The following ADGRL2 variants were observed in gnomAD, a reference collection of about 807,000 sequenced individuals.
ADGRL2 encodes calcium-independent alpha-latrotoxin receptor 2.
In ADGRL2, 44 loss-of-function variants were observed where a neutral mutation model predicts 157.4. The ratio of observed to expected loss-of-function variants is 0.28; its 90% confidence interval spans 0.22 to 0.36. The LOEUF is 0.36. Among genes scored for constraint, ADGRL2 ranks in the 10% least tolerant of loss-of-function variants. The pLI is 1.00. For missense variants in ADGRL2, 1,510 were observed against 1,768.9 expected, an observed-to-expected ratio of 0.85 and a Z score of 2.63; for synonymous variants, 585 against 624.7, an observed-to-expected ratio of 0.94 and a Z score of 0.95.
chr1:81,443,181 G>C (rs180947384), intron 1 of ADGRL2, among the ~76,000 whole-genome samples: 1 of 152,282 alleles, frequency 6.6e-6, no homozygotes, highest in East Asian at 1.9e-4. Flanking sequence ...AGCACTTTGG[G>C]AGGCCAATGT....
chr1:81,661,339 C>T (rs2148880505), intron 3 of ADGRL2, among the ~76,000 whole-genome samples: 1 of 152,278 alleles, frequency 6.6e-6, no homozygotes, highest in South Asian at 2.1e-4. Flanking sequence ...TGATTCAAAC[C>T]TTAAGCATCT....
chr1:81,586,656 C>T (rs934463688), intron 3 of ADGRL2, among the ~76,000 whole-genome samples: 15 of 152,108 alleles, frequency 9.9e-5, no homozygotes, highest in African/African-American at 2.4e-4. Context: ...GCATCACTTT[C>T]GGCTTGTATG....
chr1:81,486,997 T>G (rs951368747), intron 2 of ADGRL2, among the ~76,000 whole-genome samples: 1 of 148,866 alleles, frequency 6.7e-6, no homozygotes, highest in Non-Finnish European at 1.5e-5. Flanking sequence ...GGCTCACACC[T>G]ATAATCCCAG....
At chr1:81,424,061 C>T (rs1361201508) in intron 1 of ADGRL2, among the ~76,000 whole-genome samples, 4 of 152,172 alleles carry the variant, frequency 2.6e-5, no homozygotes, top group Non-Finnish European at 4.4e-5. Context: ...CATAAGGACA[C>T]TTCAATTTCT....
At chr1:81,452,800 T>A (rs1571006239) in intron 2 of ADGRL2, among the ~76,000 whole-genome samples, 2 of 152,112 alleles carry the variant, frequency 1.3e-5, no homozygotes, top group Non-Finnish European at 2.9e-5. Context: ...CAGATGAAGA[T>A]ATGAAACCTA....
intron 2 of ADGRL2, among the ~76,000 whole-genome samples, chr1:81,550,172 T>C (rs556968652): frequency 6.6e-6 from 1 of 152,292 alleles, no homozygotes; most frequent in East Asian, 1.9e-4. Context: ...GTCAATGCCT[T>C]ATATTGCAAG....
chr1:81,616,391 A>G (rs2081647105), intron 3 of ADGRL2, among the ~76,000 whole-genome samples: 1 of 152,166 alleles, frequency 6.6e-6, no homozygotes, highest in East Asian at 1.9e-4. Context: ...CATATTTGGA[A>G]TTGTGCAAAA....
At chr1:81,444,433 C>G (rs1274843644) in intron 1 of ADGRL2, among the ~76,000 whole-genome samples, 1 of 152,182 alleles carries the variant, frequency 6.6e-6, no homozygotes, top group Admixed American at 6.5e-5. Flanking sequence ...TTGATATTAA[C>G]TCTATAAACT....
chr1:81,906,630 G>A (rs1444499338), intron 2 of ADGRL2, among the ~76,000 whole-genome samples: 2 of 151,830 alleles, frequency 1.3e-5, no homozygotes, highest in Non-Finnish European at 2.9e-5. Flanking sequence ...GCCAGTGGGT[G>A]TAGCAGAGCC....
intron 2 of ADGRL2, among the ~76,000 whole-genome samples, chr1:81,896,640 G>C (rs1426215706): frequency 6.6e-6 from 1 of 151,956 alleles, no homozygotes; most frequent in Non-Finnish European, 1.5e-5. Flanking sequence ...TTATGTTCTT[G>C]AGTATGTTTA....
At chr1:81,351,577 G>T (rs1662893124) in intron 1 of ADGRL2, among the ~76,000 whole-genome samples, 1 of 148,192 alleles carries the variant, frequency 6.7e-6, no homozygotes, top group South Asian at 2.1e-4. Context: ...AATGCACAAA[G>T]AAAAAAATGA....
chr1:81,943,378 T>G lies in ADGRL2; in HGVS notation c.819T>G (p.Asp273Glu). Residue 273 changes from aspartate to glutamate, a missense_variant, in exon 6 of 24, where the codon GAT (aspartate) becomes GAG (glutamate). By Grantham distance (45) the Asp-to-Glu change is conservative. Around this residue, in one of 4 missense-constraint regions of ADGRL2, gnomAD observed 361 missense variants for 498.4 expected, o/e 0.72. Transcript: ENST00000686636. This position sits in a 1 kb window ranked among gnomAD's most constrained non-coding sequence, Gnocchi z 5.6. ...GGKTDIDLAV[D>E]ENGLWVIYAT... ...AGACTGATATCGACCTAGCAGTTGA[T>G]GAAAATGGTTTATGGGTCATTTACG... The G allele has an allele frequency of 6.2e-7, 1 of 1,613,790 alleles. No homozygotes were observed. The highest frequency in any genetic ancestry group is 8.5e-7 in the Non-Finnish European group (1 of 1,179,784).
intron 2 of ADGRL2, among the ~76,000 whole-genome samples, chr1:81,783,967 T>C (rs1263335043): frequency 6.6e-6 from 1 of 152,200 alleles, no homozygotes; most frequent in Non-Finnish European, 1.5e-5. Flanking sequence ...GTAATGATCA[T>C]TCCCATTTTA....
chr1:81,951,915 G>GA (rs202009316), intron 8 of ADGRL2, 42 bp from the exon 9 acceptor site: 513 of 1,496,280 alleles, frequency 3.4e-4, no homozygotes, highest in South Asian at 7.1e-4. Flanking sequence ...GCTGTAAACA[G>GA]AAAAAAAAAT....
chr1:81,545,189 G>A (rs185785868), intron 2 of ADGRL2, among the ~76,000 whole-genome samples: 169 of 152,140 alleles, frequency 1.1e-3, no homozygotes, highest in African/African-American at 3.7e-3. Context: ...TAAGGGGATC[G>A]AGGTTCAAAA....
upstream of ADGRL2, among the ~76,000 whole-genome samples, chr1:81,795,840 CCATT>C (rs1172483728): frequency 5.9e-5 from 9 of 152,130 alleles, no homozygotes; most frequent in Non-Finnish European, 8.8e-5. Context: ...CAAGAACTGC[CCATT>C]CAAAGAGTTG....
rs190164695 is a variant in ADGRL2 at position 81,354,703 on chromosome 1, T to C, written c.-302+48194T>C. The stretch of plus-strand genomic sequence containing the variant: ...TTCATAGAATGTATTCTATCTTGTC[T>C]TGTATAATTAATTCCCTTTTTGGAT... On this transcript the variant is annotated intron_variant, in intron 1 of 24. Transcript: ENST00000370721. Among the ~76,000 whole-genome samples, 25 of 152,308 alleles carry C rather than the reference T, an allele frequency of 1.6e-4. 1 individual carries two copies. In the East Asian group the frequency reaches 1.9e-3, roughly 12 times the overall value.
chr1:81,631,956 G>A (rs1348450372), intron 3 of ADGRL2, among the ~76,000 whole-genome samples: 1 of 152,084 alleles, frequency 6.6e-6, no homozygotes, highest in Non-Finnish European at 1.5e-5. Context: ...TTGGCTCTGA[G>A]ATTTCCTATC....
At chr1:81,815,648 T>C (rs925690092) in intron 1 of ADGRL2, among the ~76,000 whole-genome samples, 9 of 151,770 alleles carry the variant, frequency 5.9e-5, no homozygotes, top group Non-Finnish European at 1.2e-4. Flanking sequence ...TTTGTACAAA[T>C]AGGGTGACAT....
Sources: gnomAD v4.1 joint callset for allele counts (sites outside exome capture counted in the v4.1 genomes callset) on GRCh38, gnomAD v4.1.1 for gene constraint, gnomAD v4.1.1 regional missense constraint, Gnocchi (gnomAD v3.1) non-coding constraint, MANE v1.5 for transcripts, NCBI Gene and HGNC (gene_info 2026-07-23, HGNC 2026-07-21) for gene names.